NMNAT2: variants seen among roughly 807,000 people sequenced by gnomAD.
NMNAT2 encodes the protein nicotinamide/nicotinic acid mononucleotide adenylyltransferase 2.
NMNAT2 carries 11 observed loss-of-function variants against 41.6 expected under a neutral mutation model. That is an observed-to-expected ratio of 0.26 (90% CI 0.17 to 0.44). The LOEUF (loss-of-function observed/expected upper bound fraction) is 0.44. Among genes scored for constraint, NMNAT2 ranks in the 20% least tolerant of loss-of-function variants. NMNAT2 has a pLI of 1.00. For missense variants in NMNAT2, 288 were observed against 407.7 expected (o/e 0.71, Z 2.53); for synonymous variants, 148 against 151.2 (o/e 0.98, Z 0.16).
rs868743174 is a variant in NMNAT2, at chr1:183,252,603, A to T, written c.*38T>A. On this transcript the variant is annotated 3_prime_UTR_variant, in exon 11 of 11. Coordinates refer to ENST00000287713, the MANE Select transcript of NMNAT2 (RefSeq NM_015039.4). ...GGAGAGAAACAGGGGGCTGACAAAG[A>T]TGGAGGGGCCATTGTGTTGCCGGAG... 7.3e-7 allele frequency: 1 copy of T among 1,365,422 alleles called. No individual in the cohort carries two copies. The highest frequency in any genetic ancestry group is 2.3e-5 in the East Asian group (1 of 43,738). 84.6% of individuals were successfully genotyped at this position (1,365,422 alleles called of 1,614,324 possible).
intron 1 of NMNAT2, among the ~76,000 whole-genome samples, chr1:183,417,789 C>T (rs564667732): frequency 6.6e-6 from 1 of 152,336 alleles, no homozygotes; most frequent in Non-Finnish European, 1.5e-5. Context: ...AGCACGTTAT[C>T]TCCAGCCCCT....
intron 1 of NMNAT2, among the ~76,000 whole-genome samples, chr1:183,367,355 G>A (rs1663435731): frequency 6.6e-6 from 1 of 152,198 alleles, no homozygotes; most frequent in Non-Finnish European, 1.5e-5. Flanking sequence ...CTACTTGGGA[G>A]GCTGAGGCAG....
intron 1 of NMNAT2, among the ~76,000 whole-genome samples, chr1:183,349,976 G>A (rs574662595): frequency 6.6e-6 from 1 of 152,290 alleles, no homozygotes; most frequent in South Asian, 2.1e-4. Flanking sequence ...AATATAGTCT[G>A]AGGCTCCAGA....
intron 1 of NMNAT2, among the ~76,000 whole-genome samples, chr1:183,370,223 T>TACAC (rs57569629): frequency 0.15 from 16,693 of 112,662 alleles, 1,592 homozygotes; most frequent in Middle Eastern, 0.19. Flanking sequence ...TATCAACACA[T>TACAC]ACACACACAC....
intron 1 of NMNAT2, among the ~76,000 whole-genome samples, chr1:183,317,689 C>T (rs902982618): frequency 1.3e-5 from 2 of 152,204 alleles, no homozygotes; most frequent in African/African-American, 4.8e-5. Context: ...GTTTTCCTCT[C>T]ATTTTACTGG....
intron 6 of NMNAT2, 102 bp downstream of exon 6, chr1:183,284,608 T>C: frequency 2.0e-6 from 2 of 983,710 alleles, no homozygotes; most frequent in Admixed American, 1.7e-5. Context: ...ATCACGGGAA[T>C]TTGCGGTGGG....
At chr1:183,378,941 G>T (rs1663735981) in intron 1 of NMNAT2, among the ~76,000 whole-genome samples, 1 of 152,112 alleles carries the variant, frequency 6.6e-6, no homozygotes, top group Non-Finnish European at 1.5e-5. Flanking sequence ...TTCTTGGGAG[G>T]CTGAGGCAGG....
intron 1 of NMNAT2, among the ~76,000 whole-genome samples, chr1:183,379,505 A>G (rs981328103): frequency 5.3e-5 from 8 of 152,204 alleles, no homozygotes; most frequent in African/African-American, 1.9e-4. Context: ...TAATATAAAG[A>G]TATAGATAGG....
At chr1:183,399,803 G>T (rs1460091966) in intron 1 of NMNAT2, among the ~76,000 whole-genome samples, 1 of 152,040 alleles carries the variant, frequency 6.6e-6, no homozygotes, top group Non-Finnish European at 1.5e-5. Flanking sequence ...CAGAACCAAA[G>T]ACAAAAACAA....
chr1:183,391,220 A>C (rs1013848065), intron 1 of NMNAT2, among the ~76,000 whole-genome samples: 3 of 152,166 alleles, frequency 2.0e-5, no homozygotes, highest in Admixed American at 6.5e-5. Context: ...CTCTGCAAGG[A>C]TGACCTTTCT....
chr1:183,292,607 G>A (rs1255958845), intron 3 of NMNAT2, among the ~76,000 whole-genome samples, 183 bp downstream of exon 3: 1 of 152,192 alleles, frequency 6.6e-6, no homozygotes, highest in Non-Finnish European at 1.5e-5. Context: ...TCACAGTTTG[G>A]TTCAAAAATA....
intron 3 of NMNAT2, among the ~76,000 whole-genome samples, chr1:183,291,928 A>G (rs1229835501): frequency 6.6e-6 from 1 of 152,128 alleles, no homozygotes; most frequent in African/African-American, 2.4e-5. Context: ...AGCAAGGATC[A>G]CTGCTGAATT....
intron 1 of NMNAT2, among the ~76,000 whole-genome samples, chr1:183,326,879 A>C (rs1662476819): frequency 1.3e-5 from 2 of 152,138 alleles, no homozygotes; most frequent in Non-Finnish European, 2.9e-5. Context: ...TAAAGAAGGG[A>C]CTAGATAACC....
intron 1 of NMNAT2, among the ~76,000 whole-genome samples, chr1:183,356,511 C>T (rs1218093680): frequency 6.6e-6 from 1 of 152,202 alleles, no homozygotes; most frequent in African/African-American, 2.4e-5. Context: ...AATGTAGCAC[C>T]ATCATTCTGT....
At chr1:183,398,783 A>G (rs1358593166) in intron 1 of NMNAT2, among the ~76,000 whole-genome samples, 2 of 152,242 alleles carry the variant, frequency 1.3e-5, no homozygotes, top group African/African-American at 4.8e-5. Flanking sequence ...AACTACATGG[A>G]AACTGAACAA....
At chr1:183,304,616 C>T (rs2276879) in intron 1 of NMNAT2, 306,022 of 1,524,300 alleles carry the variant, frequency 0.2, 32,255 homozygotes, top group East Asian at 0.38. Context: ...CCATCTGCAC[C>T]TCCCTCCAGC....
At chr1:183,396,486 A>T (rs886590503) in intron 1 of NMNAT2, among the ~76,000 whole-genome samples, 4 of 152,110 alleles carry the variant, frequency 2.6e-5, no homozygotes, top group Non-Finnish European at 5.9e-5. Flanking sequence ...GGTGGAGTTT[A>T]ACTGGTATAT....
chr1:183,305,428 A>G (rs1188182777), intron 1 of NMNAT2, among the ~76,000 whole-genome samples: 1 of 152,168 alleles, frequency 6.6e-6, no homozygotes, highest in Non-Finnish European at 1.5e-5. Context: ...GCATGGAATC[A>G]GGCTCTATTT....
At chr1:183,373,864 C>T (rs1267653752) in intron 1 of NMNAT2, among the ~76,000 whole-genome samples, 1 of 152,092 alleles carries the variant, frequency 6.6e-6, no homozygotes, top group South Asian at 2.1e-4. Flanking sequence ...GTGATCTGCC[C>T]GCCTCAGCCT....
Sources: allele counts gnomAD v4.1 joint callset (sites outside exome capture counted in the v4.1 genomes callset), GRCh38; gene constraint gnomAD v4.1.1; transcripts MANE v1.5; gene names NCBI Gene and HGNC (gene_info 2026-07-23, HGNC 2026-07-21).